KATNIP: variants seen among roughly 807,000 people sequenced by gnomAD.
KATNIP encodes katanin-interacting protein.
In KATNIP, 126 loss-of-function variants were observed where a neutral mutation model predicts 174.0. The ratio of observed to expected loss-of-function variants is 0.72; its 90% CI spans 0.63 to 0.84. KATNIP has a LOEUF of 0.84. KATNIP is among the 40% of genes least tolerant of loss of function. KATNIP has a pLI of 0.00. For synonymous variants in KATNIP, 810 were observed against 835.7 expected (o/e 0.97, Z 0.53); for missense variants, 1,958 against 2,109.7 (o/e 0.93, Z 1.41).
chr16:27,770,083 T>G, intron 21 of KATNIP, 65 bp downstream of exon 21: 1 of 1,544,686 alleles, frequency 6.5e-7, no homozygotes, highest in Non-Finnish European at 8.9e-7. Context: ...CTTTGCAAGT[T>G]GCTCTGATGT....
intron 20 of KATNIP, among the ~76,000 whole-genome samples, chr16:27,767,420 C>T (rs1567423077): frequency 6.6e-6 from 1 of 152,180 alleles, no homozygotes; most frequent in African/African-American, 2.4e-5. Flanking sequence ...ATTCTAGGGC[C>T]TTAGGAATTG....
In KATNIP at chr16:27,773,055, A is replaced by G. The variant is rs1423114716; in HGVS notation, c.4199-44A>G. ...TTTGCCATTGTTTTACTATATTCTG[A>G]AAAAAAAAAATTAAGCCTTCTTTTC... is the stretch of plus-strand genomic sequence containing the variant. On this transcript the variant is annotated intron_variant, in intron 22 of 27. Transcript: ENST00000261588. 5.8e-6 allele frequency: 5 copies of G among 859,438 alleles called. No homozygotes were observed. The South Asian group carries it at 6.0e-5, about 10-fold the overall frequency. The allele number at this position is 859,438 out of a possible 1,614,324, so 53.2% of individuals were successfully genotyped here.
intron 17 of KATNIP, among the ~76,000 whole-genome samples, chr16:27,753,330 G>A (rs1056799475): frequency 3.3e-5 from 5 of 152,106 alleles, no homozygotes; most frequent in Non-Finnish European, 7.4e-5. Context: ...CTCCTGATTC[G>A]ACCCAGGGGT....
At chr16:27,681,636 C>A in intron 8 of KATNIP, 106 bp downstream of exon 8, 2 of 1,278,754 alleles carry the variant, frequency 1.6e-6, no homozygotes, top group Non-Finnish European at 2.2e-6. Flanking sequence ...TTGCAGAGGG[C>A]TAGCTGCCCT....
rs192343972 is a variant in KATNIP, at chr16:27,726,502, C to T, written c.1743+4807C>T. Among the ~76,000 whole-genome samples, 11 of 152,288 alleles carry T rather than the reference C, an allele frequency of 7.2e-5. No homozygotes were observed. The East Asian group carries it at 1.7e-3, about 24-fold the overall frequency. On this transcript the variant is annotated intron_variant, in intron 14 of 27. Coordinates refer to ENST00000261588, the MANE Select transcript of KATNIP (RefSeq NM_015202.5). ...TTAATTTTAGTTTTAAGTAGCCACA[C>T]GTGGCTGGTGACTACATAGGGGACC...
chr16:27,754,291 A>G, intron 18 of KATNIP, 40 bp downstream of exon 18: 1 of 1,531,260 alleles, frequency 6.5e-7, no homozygotes, highest in Non-Finnish European at 9.1e-7. Context: ...TGGAAGGAGG[A>G]CCTTCCAGGG....
chr16:27,710,500 A>G (rs1449051376), intron 13 of KATNIP, among the ~76,000 whole-genome samples: 1 of 152,122 alleles, frequency 6.6e-6, no homozygotes, highest in African/African-American at 2.4e-5. Flanking sequence ...CATCTTTGCT[A>G]TGTTGGGCCT....
intron 6 of KATNIP, chr16:27,660,019 G>A (rs991249917): frequency 1.0e-6 from 1 of 983,914 alleles, no homozygotes; most frequent in Non-Finnish European, 1.2e-6. Context: ...TGAGGATGTC[G>A]GAGTTTGCGA....
At chr16:27,733,147 A>G (rs980502519) in intron 14 of KATNIP, among the ~76,000 whole-genome samples, 5 of 152,204 alleles carry the variant, frequency 3.3e-5, no homozygotes, top group Admixed American at 6.5e-5. Flanking sequence ...AAAGTGGCTT[A>G]AGATGCTAAA....
intron 5 of KATNIP, among the ~76,000 whole-genome samples, chr16:27,639,705 G>A (rs997192747): frequency 2.0e-5 from 3 of 152,204 alleles, no homozygotes; most frequent in African/African-American, 7.2e-5. Context: ...AAGTAAAAAT[G>A]GGAAGTGTTG....
At chr16:27,650,393 G>T (rs1348157561) in intron 6 of KATNIP, among the ~76,000 whole-genome samples, 1 of 152,204 alleles carries the variant, frequency 6.6e-6, no homozygotes, top group Non-Finnish European at 1.5e-5. Flanking sequence ...TTTACTCCAA[G>T]GGCATTATTT....
chr16:27,766,133 G>C (rs1404188573), intron 19 of KATNIP, among the ~76,000 whole-genome samples, 176 bp from the exon 20 acceptor site: 1 of 150,948 alleles, frequency 6.6e-6, no homozygotes, highest in Non-Finnish European at 1.5e-5. Flanking sequence ...TCATAGATGA[G>C]AGACGACTTC....
Position 27,769,873 on chromosome 16 carries a change from C to G in KATNIP, c.3988C>G (p.His1330Asp), listed in dbSNP as rs1332698168. The G allele has an allele frequency of 1.9e-6, 3 of 1,613,980 alleles. No homozygotes were observed. Among genetic ancestry groups the G allele is most frequent in the Non-Finnish European group, 1.7e-6 (2 of 1,179,836 alleles). The change falls in exon 21 of 28, where the codon CAC becomes GAC. Residue 1330 changes from histidine to aspartate, a missense_variant. His to Asp is a moderately conservative substitution (Grantham distance 81). Around this residue, in one of 3 missense-constraint regions of KATNIP, gnomAD observed 383 missense variants for 456.0 expected, o/e 0.84. Coordinates refer to ENST00000261588, the MANE Select transcript of KATNIP (RefSeq NM_015202.5). ...TTTTGTTTGCCAGGCCAAGATTGTC[C>G]ACGTCTCCCTGGATGGCCTGTGCGT... The part of the protein sequence containing the change: ...EDTYRGAKIV[H>D]VSLDGLCVSP...
rs752921623 is a variant in KATNIP at position 27,750,045 on chromosome 16, C to T, written c.3085C>T (p.Arg1029Cys). ...NILPAYGKDP[R>C]VVTNLIDGVN... ...TTTACCAGCCTATGGGAAAGACCCC[C>T]GCGTGGTCACCAACCTCATCGACGG... Residue 1029 changes from arginine to cysteine, a missense_variant, in exon 16 of 28, where the codon CGC becomes TGC. By Grantham distance (180) the Arg-to-Cys change is radical. Transcript: ENST00000261588. The T allele has an allele frequency of 8.7e-6, 14 of 1,614,058 alleles. No individual in the cohort carries two copies. The highest frequency in any genetic ancestry group is 5.0e-5 in the Admixed American group (3 of 59,998).
At chr16:27,738,549 C>T (rs754878936) in intron 14 of KATNIP, among the ~76,000 whole-genome samples, 23 of 152,134 alleles carry the variant, frequency 1.5e-4, no homozygotes, top group Non-Finnish European at 2.2e-4. Flanking sequence ...AGAGTTGAAC[C>T]TGCGTGACAT....
intron 18 of KATNIP, among the ~76,000 whole-genome samples, chr16:27,760,669 G>GTGCCAGGCACCA (rs1353666066): frequency 6.6e-6 from 1 of 152,248 alleles, no homozygotes; most frequent in Non-Finnish European, 1.5e-5. Flanking sequence ...CTCCTACTGT[G>GTGCCAGGCACCA]TGCCAGGCAC....
In KATNIP at chr16:27,708,757, T is replaced by A; in HGVS notation, c.1442T>A (p.Met481Lys). ...DEIKDAIYVT[M>K]EILSNWGNSW... The stretch of plus-strand genomic sequence containing the variant: ...ATCAAAGATGCCATCTACGTGACCA[T>A]GGAGATCCTGTCCAACTGGGGCAAC... Residue 481 changes from methionine (M) to lysine (K), a missense_variant, in exon 13 of 28, where the codon ATG becomes AAG. By Grantham distance (95) the Met-to-Lys change is moderately conservative. Transcript: ENST00000261588. The A allele has an allele frequency of 6.2e-7, 1 of 1,613,510 alleles. No individual in the cohort carries two copies. The highest frequency in any genetic ancestry group is 8.5e-7 in the Non-Finnish European group (1 of 1,179,934).
chr16:27,755,166 C>G (rs1345406466), intron 18 of KATNIP: 1 of 152,256 alleles, frequency 6.6e-6, no homozygotes, highest in Non-Finnish European at 1.5e-5. Context: ...AGATGTGACA[C>G]TGTCAGGATC....
At chr16:27,627,908 A>T (rs577902069) in intron 3 of KATNIP, among the ~76,000 whole-genome samples, 1 of 152,318 alleles carries the variant, frequency 6.6e-6, no homozygotes, top group African/African-American at 2.4e-5. Flanking sequence ...TACTCTGCAT[A>T]TGGCAGTGTG....
Sources: gnomAD v4.1 joint callset for allele counts (sites outside exome capture counted in the v4.1 genomes callset) on GRCh38, gnomAD v4.1.1 for gene constraint, gnomAD v4.1.1 regional missense constraint, MANE v1.5 for transcripts, NCBI Gene and HGNC (gene_info 2026-07-23, HGNC 2026-07-21) for gene names.